Variants in MVP observed in about 807,000 individuals in gnomAD.
MVP encodes major vault protein.
MVP carries 62 observed loss-of-function variants against 83.5 expected under a neutral mutation model. The ratio of observed to expected loss-of-function variants is 0.74; its 90% CI spans 0.61 to 0.92. The LOEUF (loss-of-function observed/expected upper bound fraction) is 0.92, where lower values mean the gene tolerates loss of function less well. MVP is among the 40% of genes least tolerant of loss of function. The pLI is 0.00. For synonymous variants in MVP, 505 were observed against 504.1 expected (o/e 1.00, Z -0.02); for missense variants, 1,000 against 1,203.4 (o/e 0.83, Z 2.50).
chr16:29,836,763 C>A lies in MVP; in HGVS notation c.714C>A (p.Phe238Leu), dbSNP rs774234293. ...GGGCTCGGCGGAACTTCCGGGACTT[C>A]AGGGGAGTGTCCCGCCGCACTGGGG... Reference protein sequence around the residue: ...HLRARRNFRDFRGVSRRTGEE... With the variant: ...HLRARRNFRDLRGVSRRTGEE... Residue 238 changes from phenylalanine to leucine, a missense_variant, in exon 7 of 15, where the codon TTC becomes TTA. Physicochemically the swap from Phe to Leu is conservative, Grantham distance 22. Transcript: ENST00000357402. The A allele has an allele frequency of 6.2e-7, 1 of 1,610,658 alleles. No individual in the cohort carries two copies. The highest frequency in any genetic ancestry group is 8.5e-7 in the Non-Finnish European group (1 of 1,177,752).
At chr16:29,843,865 A>G (rs1029131181) in intron 10 of MVP, among the ~76,000 whole-genome samples, 2 of 152,130 alleles carry the variant, frequency 1.3e-5, no homozygotes, top group Non-Finnish European at 2.9e-5. Flanking sequence ...GAGCCACTGC[A>G]CTCCAGCCTG....
rs1596918895 is a variant in MVP, at chr16:29,835,814, G to T, written c.672+16G>T. On this transcript the variant is annotated intron_variant, in intron 6 of 14. Transcript: ENST00000357402. ...TACGGAAAAGGTTGGTGCTCTGGGGGCTGTGGTTTAAGGGACCTGGGGCTA... is the reference window on the plus strand; with the variant it reads ...TACGGAAAAGGTTGGTGCTCTGGGGTCTGTGGTTTAAGGGACCTGGGGCTA... The T allele has an allele frequency of 6.2e-7, 1 of 1,611,122 alleles. No individual in the cohort carries two copies. The highest frequency in any genetic ancestry group is 1.3e-5 in the African/African-American group (1 of 74,848).
At chr16:29,821,961 C>G (rs189411077) in intron 1 of MVP, among the ~76,000 whole-genome samples, 1 of 152,276 alleles carries the variant, frequency 6.6e-6, no homozygotes, top group South Asian at 2.1e-4. Flanking sequence ...TGCGGTGGCT[C>G]AGGCCTGTAA....
Position 29,844,700 on chromosome 16 carries a change from C to G in MVP, c.1842C>G (p.Pro614=). 1 of 1,613,982 alleles carries G rather than the reference C, an allele frequency of 6.2e-7. No individual in the cohort carries two copies. The highest frequency in any genetic ancestry group is 1.1e-5 in the South Asian group (1 of 91,076). The change falls in exon 11 of 15, where the codon CCC becomes CCG. Residue 614 remains proline, a synonymous_variant. Coordinates refer to ENST00000357402, the MANE Select transcript of MVP (RefSeq NM_005115.5). ...TTGAGACCTCGGAAGCGAAGGGCCCCGATGGCATGGCCCTGCCCAGGCCCC... is the reference window on the plus strand; with the variant it reads ...TTGAGACCTCGGAAGCGAAGGGCCCGGATGGCATGGCCCTGCCCAGGCCCC... ...FGFETSEAKG[P]DGMALPRPRD...
chr16:29,824,656 G>A (rs1034698323), intron 1 of MVP, among the ~76,000 whole-genome samples: 5 of 152,156 alleles, frequency 3.3e-5, no homozygotes, highest in African/African-American at 1.2e-4. Context: ...TACTCGGGAG[G>A]CTGAGGCACG....
chr16:29,821,605 G>A (rs1051512935), intron 1 of MVP, among the ~76,000 whole-genome samples: 5 of 152,160 alleles, frequency 3.3e-5, no homozygotes, highest in South Asian at 4.1e-4. Flanking sequence ...TCTTGTTCTC[G>A]GCTTAGAATC....
intron 1 of MVP, among the ~76,000 whole-genome samples, chr16:29,825,068 T>C (rs2067395655): frequency 6.6e-6 from 1 of 152,146 alleles, no homozygotes; most frequent in South Asian, 2.1e-4. Context: ...AACTAGACAA[T>C]GAACCTGGTT....
At chr16:29,833,880 C>T (rs1206249660) in intron 4 of MVP, 24 bp downstream of exon 4, 9 of 1,613,986 alleles carry the variant, frequency 5.6e-6, no homozygotes, top group Non-Finnish European at 7.6e-6. Context: ...CCATAGGGCT[C>T]CCTGCCTTCC....
Position 29,847,334 on chromosome 16 carries a change from C to T in MVP, c.2403C>T (p.Ala801=). The T allele has an allele frequency of 6.2e-7, 1 of 1,605,050 alleles. No individual in the cohort carries two copies. ...EVKKFKQMTE[A]IGPSTIRDLA... ...AGAAGTTCAAGCAGATGACAGAGGC[C>T]ATAGGCCCCAGCACCATCAGGGACC... Residue 801 remains alanine, a synonymous_variant, in exon 14 of 15, where the codon GCC becomes GCT. Transcript: ENST00000357402.
intron 3 of MVP, among the ~76,000 whole-genome samples, chr16:29,832,647 G>GC (rs1159077947): frequency 6.8e-6 from 1 of 146,518 alleles, no homozygotes; most frequent in African/African-American, 2.5e-5. Flanking sequence ...AGACGAGAGT[G>GC]CAGTGGGGTG....
intron 6 of MVP, among the ~76,000 whole-genome samples, chr16:29,836,158 C>G (rs754238596): frequency 1.3e-5 from 2 of 151,424 alleles, no homozygotes; most frequent in African/African-American, 2.4e-5. Context: ...TCCAGTTACT[C>G]CAGAGGCGCT....
intron 1 of MVP, among the ~76,000 whole-genome samples, chr16:29,824,286 T>G (rs2067390230): frequency 6.6e-6 from 1 of 150,466 alleles, no homozygotes; most frequent in African/African-American, 2.4e-5. Context: ...GAGAGTCTGC[T>G]TTAGACCAGA....
Position 29,845,893 on chromosome 16 carries a change from C to T in MVP, c.2052C>T (p.Ala684=). 6.2e-7 allele frequency: 1 copy of T among 1,614,068 alleles called. No homozygotes were observed. The highest frequency in any genetic ancestry group is 8.5e-7 in the Non-Finnish European group (1 of 1,179,970). Reference sequence around the variant, plus strand: ...AGGCTCAGAGACTGGAGCAGGAAGCCCGCGGCCGGCTTGAGCGGCAGAAGA... The same window carrying T: ...AGGCTCAGAGACTGGAGCAGGAAGCTCGCGGCCGGCTTGAGCGGCAGAAGA... ...KHEAQRLEQE[A]RGRLERQKIL... is the part of the protein sequence containing the mutation. Residue 684 remains alanine (A), a synonymous_variant, in exon 12 of 15, where the codon GCC becomes GCT. Coordinates refer to ENST00000357402, the MANE Select transcript of MVP (RefSeq NM_005115.5).
chr16:29,839,783 CAAAAAAAAAAA>C (rs71373206), intron 7 of MVP, among the ~76,000 whole-genome samples: 19 of 47,374 alleles, frequency 4.0e-4, no homozygotes, highest in South Asian at 1.4e-3. Context: ...AAGACTATCT[CAAAAAAAAAAA>C]AAAAAAAAAA....
chr16:29,823,730 C>T (rs1266560622), intron 1 of MVP, among the ~76,000 whole-genome samples: 1 of 151,772 alleles, frequency 6.6e-6, no homozygotes, highest in Non-Finnish European at 1.5e-5. Flanking sequence ...TGGTGGGTGC[C>T]TGTAATCCCA....
Position 29,823,980 on chromosome 16 carries a change from T to C in MVP, c.-36+3470T>C, listed in dbSNP as rs2067385086. Among the ~76,000 whole-genome samples, 6 of 151,918 alleles carry C rather than the reference T, an allele frequency of 3.9e-5. No homozygotes were observed. In the South Asian group the frequency reaches 1.2e-3, roughly 32 times the overall value. On this transcript the variant is annotated intron_variant, in intron 1 of 14. Coordinates refer to ENST00000357402, the MANE Select transcript of MVP (RefSeq NM_005115.5). ...AAGGCCTGGCGCGGCAGATCACACC[T>C]GTTATCCTAGCCCTTTGGGAGGCCG... is the stretch of plus-strand genomic sequence containing the variant.
intron 7 of MVP, among the ~76,000 whole-genome samples, chr16:29,838,494 T>G (rs1410784638): frequency 2.6e-5 from 4 of 151,514 alleles, no homozygotes; most frequent in South Asian, 4.2e-4. Context: ...GATAAAAAAT[T>G]GTAGCATATC....
chr16:29,844,681 C>A lies in MVP; in HGVS notation c.1823C>A (p.Thr608Asn). ...CGCACTGCTGTCTTTGGCTTTGAGA[C>A]CTCGGAAGCGAAGGGCCCCGATGGC... is the stretch of plus-strand genomic sequence containing the variant. Reference protein sequence around the residue: ...IIRTAVFGFETSEAKGPDGMA... With the variant: ...IIRTAVFGFENSEAKGPDGMA... Residue 608 changes from threonine to asparagine, a missense_variant, in exon 11 of 15, where the codon ACC becomes AAC. Coordinates refer to ENST00000357402, the MANE Select transcript of MVP (RefSeq NM_005115.5). The A allele has an allele frequency of 1.2e-6, 2 of 1,614,118 alleles. No individual in the cohort carries two copies. Among genetic ancestry groups the A allele is most frequent in the Middle Eastern group, 1.6e-4 (1 of 6,062 alleles).
At chr16:29,839,058 G>A (rs1247965696) in intron 7 of MVP, among the ~76,000 whole-genome samples, 2 of 152,054 alleles carry the variant, frequency 1.3e-5, no homozygotes, top group African/African-American at 4.8e-5. Context: ...GATGGCGGGT[G>A]CCTGTAATCC....
Sources: gnomAD v4.1 joint callset for allele counts (sites outside exome capture counted in the v4.1 genomes callset) on GRCh38, gnomAD v4.1.1 for gene constraint, MANE v1.5 for transcripts, NCBI Gene and HGNC (gene_info 2026-07-23, HGNC 2026-07-21) for gene names.